PITPNB: variants seen among roughly 807,000 people sequenced by gnomAD.
PITPNB encodes phosphatidylinositol transfer protein beta, also known as phosphatidylinositol transfer protein beta isoform.
PITPNB carries 16 observed loss-of-function variants against 45.9 expected under a neutral mutation model. The observed-to-expected ratio is 0.35, with a 90% CI of 0.24 to 0.53. PITPNB has a LOEUF of 0.53. Among genes scored for constraint, PITPNB ranks in the 20% least tolerant of loss-of-function variants. PITPNB has a pLI of 0.93. For missense variants in PITPNB, 188 were observed against 330.5 expected, an observed-to-expected ratio of 0.57 and a Z score of 3.34; for synonymous variants, 112 against 108.9, an observed-to-expected ratio of 1.03 and a Z score of -0.18.
At chr22:27,917,831 A>T (rs1162726706) in intron 1 of PITPNB, among the ~76,000 whole-genome samples, 1 of 152,232 alleles carries the variant, frequency 6.6e-6, no homozygotes, top group Non-Finnish European at 1.5e-5. Context: ...GGTGATAAGT[A>T]CTATGGAGAC....
intron 1 of PITPNB, among the ~76,000 whole-genome samples, chr22:27,917,155 C>A (rs997781311): frequency 6.6e-6 from 1 of 152,198 alleles, no homozygotes; most frequent in Non-Finnish European, 1.5e-5. Context: ...GGGCACGTGT[C>A]AACATTCATT....
Position 27,919,227 on chromosome 22 carries a change from A to ACCGCCGCCACCG in PITPNB, c.-37_-36insCGGTGGCGGCGG. 6.4e-7 allele frequency: 1 copy of ACCGCCGCCACCG among 1,569,358 alleles called. No homozygotes were observed. Among genetic ancestry groups the ACCGCCGCCACCG allele is most frequent in the South Asian group, 1.1e-5 (1 of 90,014 alleles). On this transcript the variant is annotated 5_prime_UTR_variant, in exon 1 of 12. Coordinates refer to ENST00000335272, the MANE Select transcript of PITPNB (RefSeq NM_012399.5). ...CCCCCTCACAGCTGCCGCCGATACCACCGCCGCCGCCGCCGCTACCGCCTC... is the reference window on the plus strand; with the variant it reads ...CCCCCTCACAGCTGCCGCCGATACCACCGCCGCCACCGCCGCCGCCGCCGCCGCTACCGCCTC...
intron 7 of PITPNB, among the ~76,000 whole-genome samples, chr22:27,885,183 T>C (rs1935082702): frequency 1.1e-5 from 1 of 90,798 alleles, no homozygotes; most frequent in South Asian, 3.3e-4. Context: ...CTGGAGATGA[T>C]TAAAAAGAGC....
intron 1 of PITPNB, 21 bp downstream of exon 1, chr22:27,919,151 C>T (rs759088955): frequency 1.2e-6 from 2 of 1,613,904 alleles, no homozygotes; most frequent in Non-Finnish European, 1.7e-6. Context: ...CGGCCTCGCT[C>T]GCGCCCACAG....
Position 27,913,523 on chromosome 22 carries a change from A to G in PITPNB, c.51+794T>C, listed in dbSNP as rs911041746. On this transcript the variant is annotated intron_variant, in intron 2 of 11. Transcript: ENST00000335272. ...GCTCTTATCTTCATTCTTGTCTACA[A>G]TACACATGGCTATAACTGCAGGACA... Among the ~76,000 whole-genome samples, 41 of 152,206 alleles carry G rather than the reference A, an allele frequency of 2.7e-4. 1 individual carries two copies. Among genetic ancestry groups the G allele is most frequent in the Admixed American group, 2.6e-3 (40 of 15,272 alleles).
At chr22:27,901,871 A>G (rs1315859156) in intron 3 of PITPNB, among the ~76,000 whole-genome samples, 1 of 152,082 alleles carries the variant, frequency 6.6e-6, no homozygotes, top group Admixed American at 6.5e-5. Context: ...GGACACAGTG[A>G]GACTGTGTCT....
intron 8 of PITPNB, among the ~76,000 whole-genome samples, chr22:27,868,150 C>T (rs1051848347): frequency 6.6e-6 from 1 of 152,174 alleles, no homozygotes; most frequent in Non-Finnish European, 1.5e-5. Context: ...TTTTCAAATG[C>T]TTCGTATCCT....
intron 8 of PITPNB, among the ~76,000 whole-genome samples, chr22:27,864,046 A>AC (rs972587301): frequency 3.3e-5 from 5 of 152,158 alleles, no homozygotes; most frequent in Admixed American, 3.3e-4. Flanking sequence ...TTTTTTAAAA[A>AC]CCCTTCAGAG....
intron 8 of PITPNB, chr22:27,860,492 TA>T (rs1934293972): frequency 3.0e-6 from 1 of 330,670 alleles, no homozygotes; most frequent in Non-Finnish European, 5.7e-6. Flanking sequence ...CTGCCTCAAA[TA>T]ACACTATTCA....
chr22:27,868,202 G>A (rs898921674), intron 8 of PITPNB, among the ~76,000 whole-genome samples: 2 of 152,124 alleles, frequency 1.3e-5, no homozygotes, highest in African/African-American at 4.8e-5. Context: ...AAACAAGAGA[G>A]CACCTCCCAG....
intron 3 of PITPNB, among the ~76,000 whole-genome samples, chr22:27,907,680 C>G (rs1935803974): frequency 6.6e-6 from 1 of 152,072 alleles, no homozygotes; most frequent in South Asian, 2.1e-4. Flanking sequence ...CCTCGCCATC[C>G]CAGCAGATCC....
chr22:27,860,304 G>T lies in PITPNB; in HGVS notation c.535-63C>A. 3.1e-6 allele frequency: 3 copies of T among 981,092 alleles called. No individual in the cohort carries two copies. In the South Asian group the frequency reaches 4.4e-5, roughly 14 times the overall value. The allele number at this position is 981,092 out of a possible 1,614,324, so 60.8% of individuals were successfully genotyped here. Reference sequence around the variant, plus strand: ...AAATATTTATGTTTTCATTAAAATTGACTGTTGTATAACGACATCATAGAC... The same window carrying T: ...AAATATTTATGTTTTCATTAAAATTTACTGTTGTATAACGACATCATAGAC... On this transcript the variant is annotated intron_variant, in intron 8 of 11. Coordinates refer to ENST00000335272, the MANE Select transcript of PITPNB (RefSeq NM_012399.5).
intron 2 of PITPNB, among the ~76,000 whole-genome samples, chr22:27,913,570 A>G (rs779697717): frequency 6.6e-6 from 1 of 152,220 alleles, no homozygotes. Flanking sequence ...AATAGGTGAT[A>G]TATTTCTGTA....
At chr22:27,914,523 G>A (rs932273364) in intron 1 of PITPNB, among the ~76,000 whole-genome samples, 176 bp from the exon 2 acceptor site, 3 of 152,090 alleles carry the variant, frequency 2.0e-5, no homozygotes, top group Non-Finnish European at 4.4e-5. Flanking sequence ...CATAATTGGG[G>A]AACTAAAACT....
intron 10 of PITPNB, 74 bp downstream of exon 10, chr22:27,858,313 C>G (rs1046013493): frequency 8.6e-7 from 1 of 1,156,442 alleles, no homozygotes; most frequent in Non-Finnish European, 1.2e-6. Context: ...AATTCTAACT[C>G]TGTATTTACC....
At chr22:27,882,539 A>G (rs188669767) in intron 7 of PITPNB, among the ~76,000 whole-genome samples, 1 of 152,368 alleles carries the variant, frequency 6.6e-6, no homozygotes, top group Admixed American at 6.5e-5. Context: ...TTGACATCAC[A>G]ATCCTTAAAA....
intron 7 of PITPNB, among the ~76,000 whole-genome samples, chr22:27,886,525 T>C (rs1038993974): frequency 2.6e-5 from 4 of 152,226 alleles, no homozygotes; most frequent in African/African-American, 9.6e-5. Context: ...TATTCAGTTA[T>C]GCCATGAGTC....
chr22:27,897,566 C>G (rs1408568558), intron 4 of PITPNB, among the ~76,000 whole-genome samples: 1 of 152,182 alleles, frequency 6.6e-6, no homozygotes, highest in African/African-American at 2.4e-5. Context: ...CTGGAGCCAG[C>G]ATAGTCAGCT....
chr22:27,913,861 C>G (rs1332091169), intron 2 of PITPNB, among the ~76,000 whole-genome samples: 2 of 152,174 alleles, frequency 1.3e-5, no homozygotes, highest in Non-Finnish European at 2.9e-5. Context: ...CACTACAAGA[C>G]AGAACAGGCT....
Sources: allele counts gnomAD v4.1 joint callset (sites outside exome capture counted in the v4.1 genomes callset), GRCh38; gene constraint gnomAD v4.1.1; transcripts MANE v1.5; gene names NCBI Gene and HGNC (gene_info 2026-07-23, HGNC 2026-07-21).